The following TAFA5 variants were observed in gnomAD, a reference collection of about 807,000 sequenced individuals.
The protein encoded by TAFA5 is TAFA chemokine like family member 5.
TAFA5 carries 6 observed loss-of-function variants against 15.3 expected under a neutral mutation model. That is an observed-to-expected ratio of 0.39 (90% CI 0.21 to 0.77). TAFA5 has a LOEUF of 0.77. Among genes scored for constraint, TAFA5 ranks in the 30% least tolerant of loss-of-function variants. The pLI is 0.41. For synonymous variants in TAFA5, 103 were observed against 80.7 expected (o/e 1.28, Z -1.48); for missense variants, 161 against 193.1 (o/e 0.83, Z 0.98).
At chr22:48,728,074 T>G (rs1468151513) in intron 3 of TAFA5, among the ~76,000 whole-genome samples, 1 of 152,202 alleles carries the variant, frequency 6.6e-6, no homozygotes, top group Non-Finnish European at 1.5e-5. Flanking sequence ...ATACTACAAT[T>G]AACTAAAATT....
chr22:48,640,386 A>G (rs1926629054), intron 1 of TAFA5, among the ~76,000 whole-genome samples: 1 of 152,196 alleles, frequency 6.6e-6, no homozygotes, highest in Non-Finnish European at 1.5e-5. Context: ...GGCCTGCGGA[A>G]GCTCCTCCAG....
In TAFA5 at chr22:48,550,921, A is replaced by G. The variant is rs1482753072; in HGVS notation, c.112+61217A>G. 6.6e-6 allele frequency among the ~76,000 whole-genome samples: 1 copy of G among 151,718 alleles called. No individual in the cohort carries two copies. The highest frequency in any genetic ancestry group is 1.5e-5 in the Non-Finnish European group (1 of 67,928). On this transcript the variant is annotated intron_variant, in intron 1 of 3. Coordinates refer to ENST00000402357, the MANE Select transcript of TAFA5 (RefSeq NM_001082967.3). This position sits in a 1 kb window ranked among gnomAD's most constrained non-coding sequence, Gnocchi z 4.1. ...AGACATTCCTAGTCCTGCTTGGGGC[A>G]TCGTAAGATGGGCTGCTGTGGTGTC...
At chr22:48,563,491 G>A (rs133448) in intron 1 of TAFA5, among the ~76,000 whole-genome samples, 73,798 of 152,160 alleles carry the variant, frequency 0.49, 20,807 homozygotes, top group Non-Finnish European at 0.64. Flanking sequence ...GGCGGGTGGC[G>A]TGTGGGGCTC....
chr22:48,627,455 C>T (rs964073795), intron 1 of TAFA5, among the ~76,000 whole-genome samples: 4 of 152,364 alleles, frequency 2.6e-5, no homozygotes, highest in African/African-American at 9.6e-5. Context: ...CCAGGGGTCG[C>T]GACAGCGCAC....
chr22:48,727,473 A>G (rs899586888), intron 3 of TAFA5, among the ~76,000 whole-genome samples: 3 of 152,218 alleles, frequency 2.0e-5, no homozygotes, highest in Admixed American at 6.5e-5. Flanking sequence ...GAGACAAAAT[A>G]TAATTTCAAC....
At chr22:48,733,444 A>G (rs1275131511) in intron 3 of TAFA5, among the ~76,000 whole-genome samples, 1 of 152,200 alleles carries the variant, frequency 6.6e-6, no homozygotes, top group Non-Finnish European at 1.5e-5. Context: ...AAGTTGCCCT[A>G]TGTCTCTTCA....
chr22:48,696,834 T>C (rs1436741392), intron 2 of TAFA5, among the ~76,000 whole-genome samples: 1 of 152,232 alleles, frequency 6.6e-6, no homozygotes, highest in Non-Finnish European at 1.5e-5. Flanking sequence ...CTGGCCTGCA[T>C]CATTCCAGCT....
intron 2 of TAFA5, among the ~76,000 whole-genome samples, chr22:48,668,582 C>T (rs1318847940): frequency 4.6e-5 from 3 of 65,532 alleles, no homozygotes; most frequent in Non-Finnish European, 2.6e-5. Context: ...AGGGCCGCGT[C>T]TTCACTGGGA....
At chr22:48,580,186 T>C (rs1206448286) in intron 1 of TAFA5, among the ~76,000 whole-genome samples, 1 of 152,164 alleles carries the variant, frequency 6.6e-6, no homozygotes, top group Non-Finnish European at 1.5e-5. Flanking sequence ...TTCCATTGAT[T>C]TAGTTAGCTG....
At chr22:48,587,551 G>T (rs1924406966) in intron 1 of TAFA5, among the ~76,000 whole-genome samples, 1 of 152,174 alleles carries the variant, frequency 6.6e-6, no homozygotes, top group South Asian at 2.1e-4. Context: ...CTGCATTTCT[G>T]TGGACTCCTA....
intron 1 of TAFA5, among the ~76,000 whole-genome samples, chr22:48,500,507 C>T (rs183606694): frequency 1.6e-4 from 24 of 152,326 alleles, no homozygotes; most frequent in African/African-American, 4.6e-4. Context: ...CAGTGCGTGC[C>T]GGCCTCCTTG....
chr22:48,749,589 C>T (rs1243520598), intron 3 of TAFA5, among the ~76,000 whole-genome samples: 3 of 152,154 alleles, frequency 2.0e-5, no homozygotes, highest in Non-Finnish European at 2.9e-5. Context: ...GGCCTCTGGC[C>T]GAGGCTGACA....
chr22:48,690,992 G>T (rs556691623), intron 2 of TAFA5, among the ~76,000 whole-genome samples: 1 of 152,328 alleles, frequency 6.6e-6, no homozygotes, highest in East Asian at 1.9e-4. Flanking sequence ...GCAGCTAGGT[G>T]AGCATCAGGA....
intron 2 of TAFA5, among the ~76,000 whole-genome samples, chr22:48,654,173 C>T (rs994001641): frequency 6.6e-6 from 1 of 152,106 alleles, no homozygotes; most frequent in African/African-American, 2.4e-5. Flanking sequence ...ATAAGGGAGG[C>T]TCTTTCCCAG....
In TAFA5 at chr22:48,560,567, T is replaced by TTTATTATTA. The variant is rs369448502; in HGVS notation, c.112+70880_112+70888dup. On this transcript the variant is annotated intron_variant, in intron 1 of 3. Transcript: ENST00000402357. The surrounding 1 kb of genome is among the most constrained non-coding windows in gnomAD (Gnocchi z 4.2). ...CACTGGGCCATGAAAAACGTTGTAT[T>TTTATTATTA]TTATTATTATTATTATTATTATTAT... Among the ~76,000 whole-genome samples, 1 of 144,230 alleles carries TTTATTATTA rather than the reference T, an allele frequency of 6.9e-6. No individual in the cohort carries two copies. Among genetic ancestry groups the TTTATTATTA allele is most frequent in the South Asian group, 2.1e-4 (1 of 4,658 alleles). The allele number at this position is 144,230 out of a possible 152,430, so 94.6% of individuals were successfully genotyped here.
chr22:48,537,048 G>A (rs975444862), intron 1 of TAFA5, among the ~76,000 whole-genome samples: 4 of 152,216 alleles, frequency 2.6e-5, no homozygotes, highest in African/African-American at 9.7e-5. Context: ...GGTGTGGTCA[G>A]GAGGAATGCC....
chr22:48,716,491 G>T (rs1178717697), intron 3 of TAFA5, among the ~76,000 whole-genome samples: 1 of 152,136 alleles, frequency 6.6e-6, no homozygotes, highest in Non-Finnish European at 1.5e-5. Flanking sequence ...ACACCAGGAG[G>T]GGAACATCAC....
chr22:48,537,154 G>C (rs1026706494), intron 1 of TAFA5, among the ~76,000 whole-genome samples: 2 of 147,658 alleles, frequency 1.4e-5, no homozygotes, highest in Admixed American at 1.3e-4. Flanking sequence ...CAGAGGCCCC[G>C]ATGGAACGGA....
chr22:48,558,101 A>T (rs904334620), intron 1 of TAFA5, among the ~76,000 whole-genome samples: 1 of 152,120 alleles, frequency 6.6e-6, no homozygotes, highest in Non-Finnish European at 1.5e-5. Flanking sequence ...GGGAACAGGG[A>T]AGGTGATGGG....
Sources: gnomAD v4.1 joint callset for allele counts (sites outside exome capture counted in the v4.1 genomes callset) on GRCh38, gnomAD v4.1.1 for gene constraint, Gnocchi (gnomAD v3.1) non-coding constraint, MANE v1.5 for transcripts, NCBI Gene and HGNC (gene_info 2026-07-23, HGNC 2026-07-21) for gene names.